The following GLIS3 variants were observed in gnomAD, a reference collection of about 807,000 sequenced individuals.
The protein encoded by GLIS3 is zinc finger protein GLIS3.
Under a neutral mutation model 78.6 loss-of-function variants are expected in GLIS3, and 53 were observed. That is an observed-to-expected ratio of 0.67 (90% CI 0.54 to 0.85). The LOEUF is 0.85. Among genes scored for constraint, GLIS3 ranks in the 40% least tolerant of loss-of-function variants. GLIS3 has a pLI of 0.00. For missense variants in GLIS3, 1,703 were observed against 1,231.1 expected (o/e 1.38, Z -5.74); for synonymous variants, 684 against 509.9 (o/e 1.34, Z -4.60).
At chr9:4,320,097 A>G (rs1165431010) in intron 2 of GLIS3, among the ~76,000 whole-genome samples, 3 of 152,064 alleles carry the variant, frequency 2.0e-5, no homozygotes, top group Non-Finnish European at 4.4e-5. Flanking sequence ...TCTTTTGAAA[A>G]ATCAAAAGCT....
chr9:3,981,554 C>G (rs1181373760), intron 4 of GLIS3, among the ~76,000 whole-genome samples: 1 of 152,140 alleles, frequency 6.6e-6, no homozygotes, highest in Non-Finnish European at 1.5e-5. Flanking sequence ...GCAGCCAGTC[C>G]TAGACCATAA....
intron 4 of GLIS3, among the ~76,000 whole-genome samples, chr9:3,965,428 A>G (rs1356130584): frequency 1.3e-5 from 2 of 152,010 alleles, no homozygotes; most frequent in African/African-American, 4.8e-5. Flanking sequence ...TCTTGACCTC[A>G]GGTGATCTGC....
chr9:4,320,561 TTCTC>T (rs139942423), intron 2 of GLIS3, among the ~76,000 whole-genome samples: 2,015 of 152,116 alleles, frequency 0.013, 40 homozygotes, highest in African/African-American at 0.044. Flanking sequence ...ATCTGTCTGT[TTCTC>T]TCTATTTCCA....
chr9:4,239,275 ACCTG>A (rs1823070094), intron 2 of GLIS3, among the ~76,000 whole-genome samples: 1 of 151,490 alleles, frequency 6.6e-6, no homozygotes, highest in Non-Finnish European at 1.5e-5. Flanking sequence ...TATGTAACAA[ACCTG>A]CACGTTGTGC....
intron 4 of GLIS3, among the ~76,000 whole-genome samples, chr9:3,990,305 G>T (rs998891156): frequency 5.3e-5 from 8 of 152,166 alleles, no homozygotes; most frequent in Non-Finnish European, 7.3e-5. Context: ...TCCGGAGGAA[G>T]GGAGATGCTA....
chr9:4,275,032 T>C (rs1305794628), intron 2 of GLIS3, among the ~76,000 whole-genome samples: 3 of 152,240 alleles, frequency 2.0e-5, no homozygotes, highest in Non-Finnish European at 4.4e-5. Context: ...CAAGCCACTA[T>C]CTATTGTGTC....
intron 9 of GLIS3, among the ~76,000 whole-genome samples, chr9:3,843,921 GT>G (rs1230503868): frequency 6.6e-6 from 1 of 152,144 alleles, no homozygotes; most frequent in Admixed American, 6.5e-5. Flanking sequence ...ATACCGAAAT[GT>G]TTTTATTTCA....
the GLIS3 span, among the ~76,000 whole-genome samples, chr9:4,377,891 G>A: frequency 5.8e-4 from 88 of 152,196 alleles, no homozygotes; most frequent in African/African-American, 1.1e-3. Context: ...TAAAAAACAT[G>A]CTCTTAGAAG....
At chr9:4,438,932 A>G in the GLIS3 span, among the ~76,000 whole-genome samples, 21 of 152,154 alleles carry the variant, frequency 1.4e-4, no homozygotes, top group African/African-American at 4.8e-4. Context: ...ACTAATACAC[A>G]TGTTTTGTAT....
intron 4 of GLIS3, among the ~76,000 whole-genome samples, chr9:3,954,813 G>A (rs757183057): frequency 2.0e-5 from 3 of 152,118 alleles, no homozygotes; most frequent in African/African-American, 2.4e-5. Flanking sequence ...CCTCCCCGCT[G>A]GGATGGGTAA....
chr9:4,219,663 A>G (rs1024323580), intron 2 of GLIS3, among the ~76,000 whole-genome samples: 9 of 152,228 alleles, frequency 5.9e-5, no homozygotes, highest in Admixed American at 4.6e-4. Flanking sequence ...TAAGGCGGTC[A>G]CTATTCTGAG....
At chr9:4,085,710 G>T (rs939151468) in intron 4 of GLIS3, among the ~76,000 whole-genome samples, 1 of 152,062 alleles carries the variant, frequency 6.6e-6, no homozygotes, top group South Asian at 2.1e-4. Context: ...CTATCCCCTC[G>T]GTGCTGTCCT....
At chr9:4,075,764 A>G (rs894587798) in intron 4 of GLIS3, among the ~76,000 whole-genome samples, 2 of 152,362 alleles carry the variant, frequency 1.3e-5, no homozygotes, top group East Asian at 3.9e-4. Context: ...GTACAATGCA[A>G]CATTAATCAT....
intron 4 of GLIS3, among the ~76,000 whole-genome samples, chr9:4,110,874 A>G (rs1343287257): frequency 1.3e-5 from 2 of 152,358 alleles, no homozygotes; most frequent in East Asian, 3.9e-4. Context: ...GATCAAAGAG[A>G]ATCAGACGAC....
At chr9:4,130,559 G>C (rs1173894403) in intron 2 of GLIS3, among the ~76,000 whole-genome samples, 1 of 152,234 alleles carries the variant, frequency 6.6e-6, no homozygotes, top group African/African-American at 2.4e-5. Context: ...CTCTGCTTCA[G>C]AGGGTGCAAA....
intron 4 of GLIS3, among the ~76,000 whole-genome samples, chr9:4,030,414 G>A (rs1276550721): frequency 2.0e-5 from 3 of 151,936 alleles, no homozygotes; most frequent in African/African-American, 7.3e-5. Context: ...TCACTTTGTC[G>A]GTCGCTATAC....
At chr9:4,383,851 A>G in the GLIS3 span, among the ~76,000 whole-genome samples, 18 of 152,196 alleles carry the variant, frequency 1.2e-4, no homozygotes, top group Non-Finnish European at 2.4e-4. Context: ...ATTGAATGGT[A>G]ACTGGATCTC....
chr9:4,232,271 T>C (rs1822321684), intron 2 of GLIS3, among the ~76,000 whole-genome samples: 1 of 151,082 alleles, frequency 6.6e-6, no homozygotes, highest in African/African-American at 2.4e-5. Flanking sequence ...GTACCAGCTA[T>C]TTGAGATGCC....
At chr9:4,353,786 T>C in the GLIS3 span, among the ~76,000 whole-genome samples, 46 of 152,270 alleles carry the variant, frequency 3.0e-4, no homozygotes, top group East Asian at 8.5e-3. Context: ...ATTATATGTG[T>C]TGAACTTAAT....
Sources: gnomAD v4.1 joint callset for allele counts (sites outside exome capture counted in the v4.1 genomes callset) on GRCh38, gnomAD v4.1.1 for gene constraint, MANE v1.5 for transcripts, NCBI Gene and HGNC (gene_info 2026-07-23, HGNC 2026-07-21) for gene names.